ELFN2: variants seen among roughly 807,000 people sequenced by gnomAD.
ELFN2 encodes extracellular leucine rich repeat and fibronectin type III domain containing 2.
ELFN2 carries 17 observed loss-of-function variants against 45.5 expected under a neutral mutation model. That is an observed-to-expected ratio of 0.37 (90% CI 0.26 to 0.56). The LOEUF is 0.56. Ranked by LOEUF, ELFN2 falls within the 20% of genes least tolerant of loss-of-function variation. The pLI is 0.77. For missense variants in ELFN2, 922 were observed against 1,183.2 expected (o/e 0.78, Z 3.24); for synonymous variants, 550 against 551.5 (o/e 1.00, Z 0.04).
At chr22:37,341,611 C>T (rs913710623) in intron 2 of ELFN2, among the ~76,000 whole-genome samples, 5 of 152,222 alleles carry the variant, frequency 3.3e-5, no homozygotes, top group African/African-American at 1.2e-4. Context: ...TTCACACTGT[C>T]TGAGAACAGC....
intron 1 of ELFN2, among the ~76,000 whole-genome samples, chr22:37,349,923 G>C (rs1223678701): frequency 1.3e-5 from 2 of 151,150 alleles, no homozygotes; most frequent in African/African-American, 4.8e-5. Flanking sequence ...ACAGTCAAGA[G>C]GTAAGTGGGC....
chr22:37,383,533 C>A (rs1455339158), intron 2 of ELFN2, among the ~76,000 whole-genome samples: 1 of 152,246 alleles, frequency 6.6e-6, no homozygotes, highest in Admixed American at 6.5e-5. Flanking sequence ...TCTGTGTCAT[C>A]CTGCACTGGG....
chr22:37,397,555 G>A (rs1932247270), intron 2 of ELFN2, among the ~76,000 whole-genome samples: 1 of 152,206 alleles, frequency 6.6e-6, no homozygotes, highest in Non-Finnish European at 1.5e-5. Context: ...GGGAAAGGAG[G>A]GGGAACGTGG....
chr22:37,399,432 AG>A (rs1284893625), intron 2 of ELFN2, among the ~76,000 whole-genome samples: 1 of 152,102 alleles, frequency 6.6e-6, no homozygotes, highest in Non-Finnish European at 1.5e-5. Flanking sequence ...GCCACCCCTG[AG>A]TGCCTGGAGG....
chr22:37,412,223 C>T (rs1180455661), intron 2 of ELFN2, among the ~76,000 whole-genome samples: 7 of 143,978 alleles, frequency 4.9e-5, no homozygotes, highest in Non-Finnish European at 1.0e-4. Context: ...TTGTGGCAGT[C>T]GCCTGTAATC....
At chr22:37,418,573 C>G (rs1932783979) in intron 1 of ELFN2, among the ~76,000 whole-genome samples, 1 of 151,950 alleles carries the variant, frequency 6.6e-6, no homozygotes, top group African/African-American at 2.4e-5. Flanking sequence ...TGCACACACA[C>G]TCTCACACTC....
Position 37,397,156 on chromosome 22 carries a change from A to C in ELFN2, c.-463+20613T>G, listed in dbSNP as rs181321046. On this transcript the variant is annotated intron_variant, in intron 2 of 2. Transcript: ENST00000402918. ...ATCCCTGGTCTGGCTTCACCACTCCACTCCACAGCACCCCCATGCTCACCA... is the reference window on the plus strand; with the variant it reads ...ATCCCTGGTCTGGCTTCACCACTCCCCTCCACAGCACCCCCATGCTCACCA... Among the ~76,000 whole-genome samples the C allele has an allele frequency of 4.1e-3, 625 of 150,788 alleles. 4 individuals carry two copies. Among genetic ancestry groups the C allele is most frequent in the African/African-American group, 0.014 (572 of 41,032 alleles).
At chr22:37,344,687 C>T (rs577954336) in intron 1 of ELFN2, among the ~76,000 whole-genome samples, 1 of 152,274 alleles carries the variant, frequency 6.6e-6, no homozygotes, top group East Asian at 1.9e-4. Flanking sequence ...TGCACGTGGC[C>T]CTCAGGGGAA....
rs750821256 is a variant in ELFN2, at chr22:37,375,477, C to T, written c.58G>A (p.Val20Met). 5 of 1,600,926 alleles carry T rather than the reference C, an allele frequency of 3.1e-6. No individual in the cohort carries two copies. Among genetic ancestry groups the T allele is most frequent in the Admixed American group, 1.7e-5 (1 of 57,790 alleles). The change falls in exon 3 of 3, where the codon GTG becomes ATG. Residue 20 changes from valine (V) to methionine (M), a missense_variant. This residue lies in a region of ELFN2 where 358 missense variants were observed against 540.4 expected (regional missense o/e 0.66). Transcript: ENST00000402918. ...TCAATGAGCCAGCAGTCGGCACGCA[C>T]GGCACCCGGCCGGCACACGCACAGC... ...ALLCVCRPGA[V>M]RADCWLIEGD...
At position 37,374,245 on chromosome 22, in the gene ELFN2, C is replaced by T; in HGVS notation, c.1290G>A (p.Lys430=). ...RKRRMQEEKQ[K]SVNVKKTILE... ...GGATGGTCTTCTTGACGTTGACAGACTTCTGCTTCTCCTCCTGCATGCGCC... is the reference window on the plus strand; with the variant it reads ...GGATGGTCTTCTTGACGTTGACAGATTTCTGCTTCTCCTCCTGCATGCGCC... Residue 430 remains lysine, a synonymous_variant, in exon 3 of 3, where the codon AAG becomes AAA. Transcript: ENST00000402918. 6.2e-7 allele frequency: 1 copy of T among 1,614,016 alleles called. No individual in the cohort carries two copies. The highest frequency in any genetic ancestry group is 8.5e-7 in the Non-Finnish European group (1 of 1,180,052).
At chr22:37,350,843 C>A (rs772517819) in intron 1 of ELFN2, among the ~76,000 whole-genome samples, 1 of 150,198 alleles carries the variant, frequency 6.7e-6, no homozygotes, top group Non-Finnish European at 1.5e-5. Flanking sequence ...CCTTTCACCC[C>A]ACCTCCATCA....
At chr22:37,426,512 C>T (rs1021755929) in intron 1 of ELFN2, among the ~76,000 whole-genome samples, 5 of 151,946 alleles carry the variant, frequency 3.3e-5, no homozygotes, top group Non-Finnish European at 5.9e-5. Context: ...CACACACACA[C>T]AGCACGCACA....
At chr22:37,415,986 A>G (rs11705510) in intron 2 of ELFN2, among the ~76,000 whole-genome samples, 11,493 of 152,196 alleles carry the variant, frequency 0.076, 643 homozygotes, top group African/African-American at 0.15. Flanking sequence ...AATAATGATG[A>G]TGGTGGTGGT....
intron 1 of ELFN2, among the ~76,000 whole-genome samples, chr22:37,361,552 T>G (rs1476993949): frequency 1.3e-5 from 2 of 151,798 alleles, no homozygotes; most frequent in Non-Finnish European, 2.9e-5. Flanking sequence ...CAAAACCACT[T>G]CCTCTCCCTT....
At chr22:37,423,196 C>T (rs1479461722) in intron 1 of ELFN2, among the ~76,000 whole-genome samples, 1 of 152,134 alleles carries the variant, frequency 6.6e-6, no homozygotes, top group African/African-American at 2.4e-5. Context: ...GAGCAAAGGG[C>T]TGCCTTTGGG....
chr22:37,390,938 G>A (rs542596899), intron 2 of ELFN2, among the ~76,000 whole-genome samples: 86 of 152,318 alleles, frequency 5.6e-4, no homozygotes, highest in African/African-American at 1.8e-3. Context: ...GGATCACCCC[G>A]GATACCTGAG....
chr22:37,383,106 C>T lies in ELFN2; in HGVS notation c.-462-7110G>A, dbSNP rs75116328. On this transcript the variant is annotated intron_variant, in intron 2 of 2. Coordinates refer to ENST00000402918, the MANE Select transcript of ELFN2 (RefSeq NM_052906.5). The stretch of plus-strand genomic sequence containing the variant: ...AAGTCCCTCCTGCCCTTGGGTACAG[C>T]TGCCCGGGTCATGCTTGCTGTCAAG... Among the ~76,000 whole-genome samples, 187 of 152,290 alleles carry T rather than the reference C, an allele frequency of 1.2e-3. 1 individual carries two copies. The highest frequency in any genetic ancestry group is 4.4e-3 in the African/African-American group (182 of 41,566).
chr22:37,390,319 C>T (rs1312585324), intron 2 of ELFN2, among the ~76,000 whole-genome samples: 1 of 152,236 alleles, frequency 6.6e-6, no homozygotes, highest in East Asian at 1.9e-4. Context: ...AGGGGCCTGG[C>T]TTGCCCAAGG....
At chr22:37,390,049 T>A (rs79763300) in intron 2 of ELFN2, among the ~76,000 whole-genome samples, 2,058 of 152,238 alleles carry the variant, frequency 0.014, 48 homozygotes, top group African/African-American at 0.047. Context: ...CAGACTTAGA[T>A]GAGTCCGAAT....
Sources: allele counts gnomAD v4.1 joint callset (sites outside exome capture counted in the v4.1 genomes callset), GRCh38; gene constraint gnomAD v4.1.1; regional missense constraint gnomAD v4.1.1; transcripts MANE v1.5; gene names NCBI Gene and HGNC (gene_info 2026-07-23, HGNC 2026-07-21).